Variants in NFIB observed in about 807,000 individuals in gnomAD.
The protein encoded by NFIB is nuclear factor 1 B-type.
In NFIB, 11 loss-of-function variants were observed where a neutral mutation model predicts 61.5. The ratio of observed to expected loss-of-function variants is 0.18; its 90% CI spans 0.11 to 0.30. The LOEUF (loss-of-function observed/expected upper bound fraction) is 0.30, where lower values mean the gene tolerates loss of function less well. NFIB is among the 10% of genes least tolerant of loss of function. The probability of loss-of-function intolerance (pLI) is 1.00; values close to 1 mark genes in which losing one functional copy is unlikely to be tolerated. For missense variants in NFIB, 471 were observed against 608.9 expected, an observed-to-expected ratio of 0.77 and a Z score of 2.38; for synonymous variants, 260 against 216.5, an observed-to-expected ratio of 1.20 and a Z score of -1.76.
chr9:14,150,788 T>C (rs974769468), intron 4 of NFIB, among the ~76,000 whole-genome samples: 2 of 152,134 alleles, frequency 1.3e-5, no homozygotes, highest in South Asian at 4.1e-4. Context: ...TCCACTCAAA[T>C]ATTAATGTTG....
intron 1 of NFIB, among the ~76,000 whole-genome samples, chr9:14,376,123 T>C (rs1179136097): frequency 6.6e-6 from 1 of 152,164 alleles, no homozygotes; most frequent in Non-Finnish European, 1.5e-5. Flanking sequence ...TGCACAGGCA[T>C]GACCATAGCA....
At chr9:14,189,133 G>C (rs117689786) in intron 2 of NFIB, among the ~76,000 whole-genome samples, 2 of 152,102 alleles carry the variant, frequency 1.3e-5, no homozygotes, top group Non-Finnish European at 1.5e-5. Flanking sequence ...GAGTCTTCAC[G>C]CATTATTCTA....
chr9:14,315,352 G>C (rs1195307546), upstream of NFIB, among the ~76,000 whole-genome samples: 4 of 150,590 alleles, frequency 2.7e-5, no homozygotes, highest in Non-Finnish European at 4.4e-5. Context: ...GGACCGGGCC[G>C]AGCCGCCGCC....
intron 2 of NFIB, among the ~76,000 whole-genome samples, chr9:14,254,071 G>C (rs1413871208): frequency 6.6e-6 from 1 of 152,142 alleles, no homozygotes; most frequent in Non-Finnish European, 1.5e-5. Context: ...GGAGGCTGAG[G>C]CAAGCAGATA....
intron 10 of NFIB, among the ~76,000 whole-genome samples, chr9:14,106,836 C>T (rs1587234050): frequency 6.6e-6 from 1 of 152,118 alleles, no homozygotes; most frequent in East Asian, 1.9e-4. Context: ...AGAAGGTAAG[C>T]AAAATGTTCT....
intron 2 of NFIB, among the ~76,000 whole-genome samples, chr9:14,217,603 TGA>T (rs1402466764): frequency 2.1e-5 from 3 of 141,008 alleles, no homozygotes; most frequent in Non-Finnish European, 3.0e-5. Flanking sequence ...GAGGTTGCGG[TGA>T]GCCGAGATTG....
chr9:14,495,782 A>T, the NFIB span, among the ~76,000 whole-genome samples: 1 of 152,220 alleles, frequency 6.6e-6, no homozygotes, highest in Admixed American at 6.5e-5. Flanking sequence ...AAGAAAAATC[A>T]AGAAAAATGG....
intron 3 of NFIB, among the ~76,000 whole-genome samples, chr9:14,178,244 T>C (rs1177947376): frequency 1.3e-5 from 2 of 152,062 alleles, no homozygotes; most frequent in Admixed American, 1.3e-4. Context: ...AAGAAAAAAA[T>C]CTTTGTAAAG....
chr9:14,348,759 C>T (rs2061066714), intron 1 of NFIB, among the ~76,000 whole-genome samples: 1 of 152,246 alleles, frequency 6.6e-6, no homozygotes, highest in South Asian at 2.1e-4. Flanking sequence ...GCGAGCTGCT[C>T]CCGCGCCTCT....
chr9:14,219,474 A>AATT (rs1296855476), intron 2 of NFIB, among the ~76,000 whole-genome samples: 4 of 151,632 alleles, frequency 2.6e-5, no homozygotes, highest in African/African-American at 9.7e-5. Context: ...GTAAACCTAA[A>AATT]ATTAAACTAC....
the NFIB span, among the ~76,000 whole-genome samples, chr9:14,464,399 G>A: frequency 1.3e-5 from 2 of 152,190 alleles, no homozygotes; most frequent in Non-Finnish European, 2.9e-5. Context: ...TGTGGAAGGA[G>A]CCAGGCTTTC....
intron 2 of NFIB, among the ~76,000 whole-genome samples, chr9:14,274,487 T>C (rs537453557): frequency 6.6e-6 from 1 of 152,334 alleles, no homozygotes; most frequent in East Asian, 1.9e-4. Context: ...GCAGCTTTTC[T>C]TTGTCGTTTT....
the NFIB span, among the ~76,000 whole-genome samples, chr9:14,504,265 C>T: frequency 6.6e-6 from 1 of 152,288 alleles, no homozygotes; most frequent in Non-Finnish European, 1.5e-5. Flanking sequence ...TAATGTGATA[C>T]CTCCAGACTT....
chr9:14,387,707 G>A (rs2061565257), intron 1 of NFIB, among the ~76,000 whole-genome samples: 1 of 152,214 alleles, frequency 6.6e-6, no homozygotes, highest in Admixed American at 6.5e-5. Flanking sequence ...AGGTAGGCAT[G>A]GGGATTGGTA....
At chr9:14,458,490 C>T in the NFIB span, among the ~76,000 whole-genome samples, 1 of 152,154 alleles carries the variant, frequency 6.6e-6, no homozygotes, top group Non-Finnish European at 1.5e-5. Flanking sequence ...CACTCCTATT[C>T]AACATAGTGT....
chr9:14,337,646 T>A (rs1273614716), intron 1 of NFIB, among the ~76,000 whole-genome samples: 2 of 152,224 alleles, frequency 1.3e-5, no homozygotes, highest in African/African-American at 4.8e-5. Flanking sequence ...GGAGCCCCAC[T>A]GGGGTGGCGG....
rs1554630194 is a variant in NFIB at position 14,097,875 on chromosome 9, C to CTTTTTCT, written c.1468-9550_1468-9549insAGAAAAA. Among the ~76,000 whole-genome samples the CTTTTTCT allele has an allele frequency of 1.4e-3, 154 of 110,870 alleles. 3 individuals are homozygous for CTTTTTCT. The South Asian group carries it at 0.027, about 20-fold the overall frequency. 72.7% of individuals were successfully genotyped at this position (110,870 alleles called of 152,430 possible). A position where few individuals can be genotyped will look rare whatever the true frequency, so the allele number is the denominator to read the frequency against. ...CTTTTTTTTTCTTTCTTTCTTTTTT[C>CTTTTTCT]TTTTTTTTTTTTTTTTTTGCCCTCC... On this transcript the variant is annotated intron_variant, in intron 10 of 10. Transcript: ENST00000380953.
At chr9:14,306,855 C>T in intron 2 of NFIB, 134 bp downstream of exon 2, 2 of 1,055,672 alleles carry the variant, frequency 1.9e-6, no homozygotes, top group Non-Finnish European at 2.7e-6. Flanking sequence ...TGAAAGCGGA[C>T]ACCCTACTAT....
chr9:14,504,355 T>G, the NFIB span, among the ~76,000 whole-genome samples: 1 of 152,208 alleles, frequency 6.6e-6, no homozygotes, highest in African/African-American at 2.4e-5. Flanking sequence ...TGTTTTCTAG[T>G]TCTGTGAAGA....
Sources: allele counts gnomAD v4.1 joint callset (sites outside exome capture counted in the v4.1 genomes callset), GRCh38; gene constraint gnomAD v4.1.1; transcripts MANE v1.5; gene names NCBI Gene and HGNC (gene_info 2026-07-23, HGNC 2026-07-21).